SLC47A2: variants seen among roughly 807,000 people sequenced by gnomAD.
SLC47A2 encodes the protein multidrug and toxin extrusion protein 2.
A neutral mutation model predicts 67.7 loss-of-function variants in SLC47A2; 52 were observed. The ratio of observed to expected loss-of-function variants is 0.77; its 90% confidence interval spans 0.61 to 0.97. The LOEUF is 0.97. SLC47A2 is among the 50% of genes least tolerant of loss of function. The probability of loss-of-function intolerance (pLI) is 0.00; values close to 1 mark genes in which losing one functional copy is unlikely to be tolerated. For synonymous variants in SLC47A2, 278 were observed against 292.9 expected (o/e 0.95, Z 0.52); for missense variants, 676 against 712.3 (o/e 0.95, Z 0.58).
rs766383850 is a variant in SLC47A2, at chr17:19,686,119, G to A, written c.1165-4449C>T. Among the ~76,000 whole-genome samples, 12 of 152,092 alleles carry A rather than the reference G, an allele frequency of 7.9e-5. No homozygotes were observed. In the East Asian group the frequency reaches 9.7e-4, roughly 12 times the overall value. On this transcript the variant is annotated intron_variant, in intron 13 of 16. Transcript: ENST00000433844. ...TTTACTAATAATACAAAAATTAGCC[G>A]GGCATGGAGGTGAGCACCTGTAGTC...
intron 13 of SLC47A2, among the ~76,000 whole-genome samples, chr17:19,687,226 A>T (rs912164305): frequency 1.3e-5 from 2 of 152,202 alleles, no homozygotes; most frequent in African/African-American, 2.4e-5. Context: ...GGAAATTTTT[A>T]AAATTTCTTG....
At chr17:19,694,283 T>C (rs2085609282) in intron 13 of SLC47A2, among the ~76,000 whole-genome samples, 1 of 152,076 alleles carries the variant, frequency 6.6e-6, no homozygotes, top group African/African-American at 2.4e-5. Flanking sequence ...CTAAAATACA[T>C]ACAAAAATGC....
chr17:19,686,432 G>A (rs1374372392), intron 13 of SLC47A2, among the ~76,000 whole-genome samples: 2 of 152,100 alleles, frequency 1.3e-5, no homozygotes, highest in Non-Finnish European at 2.9e-5. Flanking sequence ...TAAAATGGCA[G>A]GACTGAGTCC....
chr17:19,710,673 G>A (rs963604411), intron 5 of SLC47A2, among the ~76,000 whole-genome samples: 2 of 151,840 alleles, frequency 1.3e-5, no homozygotes, highest in African/African-American at 4.8e-5. Flanking sequence ...GGCTGGTCTC[G>A]AACTCCTGAC....
chr17:19,687,532 C>G (rs2085454239), intron 13 of SLC47A2, among the ~76,000 whole-genome samples: 1 of 150,372 alleles, frequency 6.7e-6, no homozygotes, highest in Non-Finnish European at 1.5e-5. Flanking sequence ...TGGAAACAGA[C>G]CAAAAAAATA....
chr17:19,684,295 C>T (rs1275147066), intron 13 of SLC47A2, among the ~76,000 whole-genome samples: 1 of 152,062 alleles, frequency 6.6e-6, no homozygotes, highest in African/African-American at 2.4e-5. Context: ...GAAATAAAAC[C>T]CCAAATATTT....
chr17:19,708,802 A>G (rs1312762065), intron 5 of SLC47A2, 42 bp from the exon 6 acceptor site: 1 of 1,606,476 alleles, frequency 6.2e-7, no homozygotes, highest in South Asian at 1.1e-5. Flanking sequence ...AATAATGACC[A>G]AAACTCACCA....
In SLC47A2 at chr17:19,707,913, G is replaced by A. The variant is rs74371840; in HGVS notation, c.630-70C>T. ...TGCCACCGCCCTGCCTGAGAGAGAGGTGGCTCTGGCGGCCAGCCCGTGTGG... is the reference window on the plus strand; with the variant it reads ...TGCCACCGCCCTGCCTGAGAGAGAGATGGCTCTGGCGGCCAGCCCGTGTGG... On this transcript the variant is annotated intron_variant, in intron 7 of 16. Coordinates refer to ENST00000433844, the MANE Select transcript of SLC47A2 (RefSeq NM_001099646.3). 8.0e-5 allele frequency: 116 copies of A among 1,447,674 alleles called. No homozygotes were observed. In the East Asian group the frequency reaches 2.8e-3, roughly 35 times the overall value. 89.7% of individuals were successfully genotyped at this position (1,447,674 alleles called of 1,614,324 possible).
intron 15 of SLC47A2, among the ~76,000 whole-genome samples, chr17:19,680,437 A>ACCACTGCATTCCATCCTGGG (rs2085288746): frequency 1.3e-5 from 2 of 152,296 alleles, no homozygotes; most frequent in Admixed American, 6.5e-5. Context: ...CCGAGATTGT[A>ACCACTGCATTCCATCCTGGG]CCACTGCATT....
rs1400429501 is a variant in SLC47A2, at chr17:19,708,686, AGGGCCTCCCCACACACC to A, written c.531+13_531+29del. The stretch of plus-strand genomic sequence containing the variant: ...TGGAATAGGGCAGTGTGCTGGGAGA[AGGGCCTCCCCACACACC>A]AAAGACCTGTACCTGATTTTGCAAA... On this transcript the variant is annotated intron_variant, in intron 6 of 16. Coordinates refer to ENST00000433844, the MANE Select transcript of SLC47A2 (RefSeq NM_001099646.3). 6.2e-7 allele frequency: 1 copy of A among 1,613,524 alleles called. No homozygotes were observed. Among genetic ancestry groups the A allele is most frequent in the Admixed American group, 1.7e-5 (1 of 59,984 alleles).
chr17:19,695,068 A>T, intron 13 of SLC47A2, among the ~76,000 whole-genome samples: 1 of 152,182 alleles, frequency 6.6e-6, no homozygotes, highest in Non-Finnish European at 1.5e-5. Flanking sequence ...AAAAGAAATT[A>T]AGAAATTGGA....
In SLC47A2 at chr17:19,714,756, C is replaced by T. The variant is rs2086203348; in HGVS notation, c.259G>A (p.Gly87Ser). ...VNVCGVSVGV[G>S]LSSACDTLMS... Reference sequence around the variant, plus strand: ...AAGGTGTCACATGCCGAAGACAAACCAACTCCTACAGAAACTCCGCAGACA... The same window carrying T: ...AAGGTGTCACATGCCGAAGACAAACTAACTCCTACAGAAACTCCGCAGACA... Residue 87 changes from glycine to serine, a missense_variant, in exon 3 of 17, where the codon GGT (glycine) becomes AGT (serine). By Grantham distance (56) the Gly-to-Ser change is moderately conservative. Coordinates refer to ENST00000433844, the MANE Select transcript of SLC47A2 (RefSeq NM_001099646.3). 6.2e-7 allele frequency: 1 copy of T among 1,614,016 alleles called. No individual in the cohort carries two copies. Among genetic ancestry groups the T allele is most frequent in the Non-Finnish European group, 8.5e-7 (1 of 1,180,054 alleles).
At chr17:19,711,382 AG>A (rs1413190024) in intron 5 of SLC47A2, among the ~76,000 whole-genome samples, 3 of 151,340 alleles carry the variant, frequency 2.0e-5, no homozygotes, top group Non-Finnish European at 2.9e-5. Flanking sequence ...ACCTGAGGTC[AG>A]GAGTTCGAGA....
upstream of SLC47A2, chr17:19,716,618 G>A (rs1254738869): frequency 5.3e-6 from 8 of 1,497,436 alleles, no homozygotes; most frequent in South Asian, 2.7e-5. Context: ...TTTGTCCAGC[G>A]AGCCACCCCC....
In SLC47A2 at chr17:19,713,884, C is replaced by G; in HGVS notation, c.384G>C (p.Ala128=). The G allele has an allele frequency of 3.7e-6, 6 of 1,613,796 alleles. No individual in the cohort carries two copies. Among genetic ancestry groups the G allele is most frequent in the African/African-American group, 1.3e-5 (1 of 75,060 alleles). ...GGATGTGCTGGGTGTTGAGGAAGAGCGCCCAGCAAGGGAGGCAGCAGAGGA... is the reference window on the plus strand; with the variant it reads ...GGATGTGCTGGGTGTTGAGGAAGAGGGCCCAGCAAGGGAGGCAGCAGAGGA... ...VLLLCCLPCW[A]LFLNTQHILL... is the part of the protein sequence containing the mutation. Residue 128 remains alanine (A), a synonymous_variant, in exon 4 of 17, where the codon GCG becomes GCC. Transcript: ENST00000433844.
upstream of SLC47A2, chr17:19,717,049 G>T: frequency 6.4e-6 from 1 of 155,734 alleles, no homozygotes; most frequent in Non-Finnish European, 1.4e-5. Flanking sequence ...ACAGCCCTCA[G>T]CCCTGCTTTT....
chr17:19,708,183 A>T (rs2085995910), intron 7 of SLC47A2, 119 bp downstream of exon 7: 9 of 1,152,236 alleles, frequency 7.8e-6, no homozygotes, highest in Non-Finnish European at 1.1e-5. Context: ...ACTCCCCATA[A>T]CCCTCCACTT....
At chr17:19,682,786 C>A (rs1212560636) in intron 13 of SLC47A2, among the ~76,000 whole-genome samples, 1 of 152,200 alleles carries the variant, frequency 6.6e-6, no homozygotes, top group East Asian at 1.9e-4. Context: ...TAGCTTATTC[C>A]ATATGAGACA....
Position 19,715,130 on chromosome 17 carries a change from T to C in SLC47A2, c.211A>G (p.Thr71Ala), listed in dbSNP as rs1311159146. ...HLGKVELASVTLAVAFVNVCG... is the reference protein window; with the variant it reads ...HLGKVELASVALAVAFVNVCG... ...TGGGTACTCACGGCCACCGCGAGGG[T>C]CACCGATGCCAGCTCCACCTTGCCC... Residue 71 changes from threonine (T) to alanine (A), a missense_variant, in exon 2 of 17, where the codon ACC becomes GCC. Thr to Ala is a moderately conservative substitution (Grantham distance 58). Coordinates refer to ENST00000433844, the MANE Select transcript of SLC47A2 (RefSeq NM_001099646.3). 1.2e-6 allele frequency: 2 copies of C among 1,612,180 alleles called. No individual in the cohort carries two copies. Among genetic ancestry groups the C allele is most frequent in the Non-Finnish European group, 1.7e-6 (2 of 1,179,964 alleles).
Sources: gnomAD v4.1 joint callset for allele counts (sites outside exome capture counted in the v4.1 genomes callset) on GRCh38, gnomAD v4.1.1 for gene constraint, MANE v1.5 for transcripts, NCBI Gene and HGNC (gene_info 2026-07-23, HGNC 2026-07-21) for gene names.